The following GAB3 variants were observed in gnomAD, a reference collection of about 807,000 sequenced individuals.
GAB3 encodes the protein GRB2 associated binding protein 3.
A neutral mutation model predicts 40.4 loss-of-function variants in GAB3; 12 were observed. The observed-to-expected ratio is 0.30, with a 90% CI of 0.19 to 0.48. The LOEUF (loss-of-function observed/expected upper bound fraction) is 0.48. Among genes scored for constraint, GAB3 ranks in the 20% least tolerant of loss-of-function variants. GAB3 has a pLI of 0.99. For missense variants in GAB3, 381 were observed against 461.9 expected (o/e 0.82, Z 1.61); for synonymous variants, 154 against 176.7 (o/e 0.87, Z 1.02).
At chrX:154,718,654 C>T (rs1370608127) in intron 1 of GAB3, among the ~76,000 whole-genome samples, 1 of 111,006 alleles carries the variant, frequency 9.0e-6, no homozygotes, top group Non-Finnish European at 1.9e-5. Flanking sequence ...CTGGCATCAA[C>T]TGAGGCAAAC....
Position 154,682,971 on chromosome X carries a change from C to A in GAB3, c.1531-2723G>T, listed in dbSNP as rs782782436. Reference sequence around the variant, plus strand: ...CCAGCCTGGGTGAAAGAGTGAGACTCCGCCTCACAAAAAAATAAAATAATA... The same window carrying A: ...CCAGCCTGGGTGAAAGAGTGAGACTACGCCTCACAAAAAAATAAAATAATA... On this transcript the variant is annotated intron_variant, in intron 8 of 9. Coordinates refer to ENST00000424127, the MANE Select transcript of GAB3 (RefSeq NM_001081573.3). Among the ~76,000 whole-genome samples, 30 of 111,727 alleles carry A rather than the reference C, an allele frequency of 2.7e-4. 1 individual carries two copies. The highest frequency in any genetic ancestry group is 9.1e-4 in the African/African-American group (28 of 30,800).
chrX:154,727,962 C>T (rs1300702006), intron 1 of GAB3, among the ~76,000 whole-genome samples: 2 of 111,784 alleles, frequency 1.8e-5, no homozygotes, highest in African/African-American at 6.5e-5. Flanking sequence ...TTGAAGTGGC[C>T]CGCCTGGATT....
intron 1 of GAB3, among the ~76,000 whole-genome samples, chrX:154,718,399 C>T (rs910316825): frequency 1.2e-4 from 13 of 110,471 alleles, no homozygotes; most frequent in African/African-American, 4.3e-4. Context: ...AGAGGTCTGG[C>T]CATGAGTCAA....
intron 1 of GAB3, among the ~76,000 whole-genome samples, chrX:154,718,700 G>A (rs1361739411): frequency 3.6e-5 from 4 of 111,261 alleles, no homozygotes; most frequent in Non-Finnish European, 7.5e-5. Flanking sequence ...AGGGGCTCAG[G>A]GGATGAGAGA....
chrX:154,708,080 G>GTCAA (rs1332950242), intron 4 of GAB3, among the ~76,000 whole-genome samples: 1 of 111,951 alleles, frequency 8.9e-6, no homozygotes, highest in Non-Finnish European at 1.9e-5. Flanking sequence ...CATGTACATG[G>GTCAA]TCAACTATGC....
Position 154,677,992 on chromosome X carries a change from C to G in GAB3, c.*186G>C. On this transcript the variant is annotated 3_prime_UTR_variant, in exon 10 of 10. Coordinates refer to ENST00000424127, the MANE Select transcript of GAB3 (RefSeq NM_001081573.3). Reference sequence around the variant, plus strand: ...CAACTGCTTCCTTCTTTTCTTCCTTCAATGTATAAACAGGTCTTCTTTCCT... The same window carrying G: ...CAACTGCTTCCTTCTTTTCTTCCTTGAATGTATAAACAGGTCTTCTTTCCT... 1 of 338,027 alleles carries G rather than the reference C, an allele frequency of 3.0e-6. No individual in the cohort carries two copies. The highest frequency in any genetic ancestry group is 1.1e-4 in the South Asian group (1 of 9,310). The allele number at this position is 338,027 out of a possible 1,213,427, so 27.9% of individuals were successfully genotyped here. A position where few individuals can be genotyped will look rare whatever the true frequency, so the allele number is the denominator to read the frequency against.
Position 154,712,463 on chromosome X carries a change from T to C in GAB3, c.835A>G (p.Ser279Gly), listed in dbSNP as rs2070966262. The part of the protein sequence containing the change: ...DHLSSSPLLE[S>G]SLSSTIQVDK... ...ACCTGAATGGTGGAACTTAAGGAAC[T>C]TTCCAGCAATGGTGAAGAAGACAAG... The change falls in exon 4 of 10, where the codon AGT (serine) becomes GGT (glycine). Residue 279 changes from serine to glycine, a missense_variant. Ser to Gly is a moderately conservative substitution (Grantham distance 56). Coordinates refer to ENST00000424127, the MANE Select transcript of GAB3 (RefSeq NM_001081573.3). 1 of 1,210,842 alleles carries C rather than the reference T, an allele frequency of 8.3e-7. No individual in the cohort carries two copies. Among genetic ancestry groups the C allele is most frequent in the South Asian group, 1.8e-5 (1 of 56,931 alleles).
intron 1 of GAB3, among the ~76,000 whole-genome samples, chrX:154,722,239 T>G (rs999337227): frequency 3.0e-4 from 33 of 110,272 alleles, no homozygotes; most frequent in Non-Finnish European, 7.6e-5. Flanking sequence ...AAAGGTCAAA[T>G]GTACTGTGGT....
At position 154,713,380 on chromosome X, in the gene GAB3, T is replaced by C. The variant is rs1603426175; in HGVS notation, c.423A>G (p.Pro141=). 2.5e-6 allele frequency: 3 copies of C among 1,209,690 alleles called. No individual in the cohort carries two copies. The highest frequency in any genetic ancestry group is 1.7e-5 in the African/African-American group (1 of 57,512). The change falls in exon 3 of 10, where the codon CCA becomes CCG. Residue 141 remains proline, a synonymous_variant. Coordinates refer to ENST00000424127, the MANE Select transcript of GAB3 (RefSeq NM_001081573.3). ...SLSYTPSSLQ[P]SSASSLLTAH... ...CGGTAAGAAGGGAGCTGGCAGAGGA[T>C]GGCTGCAGGGAGGAGGGCGTGTAAG...
At chrX:154,713,166 T>C (rs1557256700) in intron 3 of GAB3, 41 bp downstream of exon 3, 1 of 1,095,126 alleles carries the variant, frequency 9.1e-7, no homozygotes, top group Admixed American at 2.2e-5. Flanking sequence ...GAGAGCATGC[T>C]AGCAGGCCCA....
intron 1 of GAB3, among the ~76,000 whole-genome samples, chrX:154,736,753 G>A (rs1168339140): frequency 2.7e-5 from 3 of 112,175 alleles, no homozygotes; most frequent in African/African-American, 9.7e-5. Flanking sequence ...TTTGGCCTGT[G>A]GAGGAACCAG....
chrX:154,728,398 G>A (rs1347069936), intron 1 of GAB3, among the ~76,000 whole-genome samples: 3 of 112,513 alleles, frequency 2.7e-5, no homozygotes, highest in Non-Finnish European at 5.6e-5. Context: ...CGCCTAGAGC[G>A]CCAGGATTTT....
chrX:154,717,964 G>A (rs1009879838), intron 1 of GAB3, among the ~76,000 whole-genome samples: 2 of 111,719 alleles, frequency 1.8e-5, no homozygotes, highest in African/African-American at 3.3e-5. Flanking sequence ...GAAGGATGAC[G>A]GCTGACCGCA....
At chrX:154,693,322 T>A in intron 8 of GAB3, among the ~76,000 whole-genome samples, 1 of 111,933 alleles carries the variant, frequency 8.9e-6, no homozygotes, top group Non-Finnish European at 1.9e-5. Flanking sequence ...ACAGTTCTAA[T>A]TGCCTAAAAA....
In GAB3 at chrX:154,693,037, T is replaced by C. The variant is rs140543452; in HGVS notation, c.1530+2880A>G. 7.4e-3 allele frequency among the ~76,000 whole-genome samples: 824 copies of C among 111,809 alleles called. 7 individuals are homozygous for C. Among genetic ancestry groups the C allele is most frequent in the African/African-American group, 0.025 (775 of 30,752 alleles). On this transcript the variant is annotated intron_variant, in intron 8 of 9. Coordinates refer to ENST00000424127, the MANE Select transcript of GAB3 (RefSeq NM_001081573.3). ...ATGTTTATAGCAGCATTATTCATAA[T>C]AGACAATGGTAGGAACAACCCTAAA...
intron 1 of GAB3, among the ~76,000 whole-genome samples, chrX:154,737,743 C>G (rs782355446): frequency 1.3e-3 from 141 of 112,199 alleles, no homozygotes; most frequent in African/African-American, 4.4e-3. Context: ...CAGTGTAATC[C>G]CAGCACTTTG....
In GAB3 at chrX:154,716,336, A is replaced by T; in HGVS notation, c.73-7T>A. The stretch of plus-strand genomic sequence containing the variant: ...ACCAGCGCTTGCGCCAGGCCTGCAG[A>T]AAGGCAATTCAATAAGGAGTTACTG... On this transcript the variant is annotated splice_polypyrimidine_tract_variant and splice_region_variant and intron_variant, in intron 1 of 9. Coordinates refer to ENST00000424127, the MANE Select transcript of GAB3 (RefSeq NM_001081573.3). 1 of 1,200,906 alleles carries T rather than the reference A, an allele frequency of 8.3e-7. No homozygotes were observed. The highest frequency in any genetic ancestry group is 1.1e-6 in the Non-Finnish European group (1 of 889,925).
rs782589830 is a variant in GAB3, at chrX:154,739,973, C to T, written c.72+10981G>A. ...AAAGAAATTTAATTAAAACAAGATA[C>T]CATTTATCATCTATTGATTTTTCAA... On this transcript the variant is annotated intron_variant, in intron 1 of 9. Coordinates refer to ENST00000424127, the MANE Select transcript of GAB3 (RefSeq NM_001081573.3). Among the ~76,000 whole-genome samples the T allele has an allele frequency of 2.7e-5, 3 of 112,388 alleles. No individual in the cohort carries two copies. The South Asian group carries it at 1.1e-3, about 41-fold the overall frequency.
At chrX:154,685,979 G>A (rs2070443383) in intron 8 of GAB3, among the ~76,000 whole-genome samples, 1 of 111,518 alleles carries the variant, frequency 9.0e-6, no homozygotes, top group East Asian at 2.8e-4. Flanking sequence ...TAATTCACCC[G>A]AGATCAAATA....
Sources: allele counts gnomAD v4.1 joint callset (sites outside exome capture counted in the v4.1 genomes callset), GRCh38; gene constraint gnomAD v4.1.1; transcripts MANE v1.5; gene names NCBI Gene and HGNC (gene_info 2026-07-23, HGNC 2026-07-21).